Variants in RIT2 observed in about 807,000 individuals in gnomAD.
The protein encoded by RIT2 is Ras like without CAAX 2, also known as GTP-binding protein Rit2.
RIT2 carries 24 observed loss-of-function variants against 23.7 expected under a neutral mutation model. The observed-to-expected ratio is 1.01, with a 90% CI of 0.73 to 1.43. The LOEUF (loss-of-function observed/expected upper bound fraction) is 1.43, where lower values mean the gene tolerates loss of function less well. Among genes scored for constraint, RIT2 ranks in the 40% most tolerant of loss-of-function variants. RIT2 has a pLI of 0.00. For synonymous variants in RIT2, 107 were observed against 91.1 expected (o/e 1.17, Z -0.99); for missense variants, 236 against 266.9 (o/e 0.88, Z 0.81).
At chr18:43,029,391 G>A (rs2144278447) in intron 2 of RIT2, among the ~76,000 whole-genome samples, 1 of 152,046 alleles carries the variant, frequency 6.6e-6, no homozygotes, top group Admixed American at 6.6e-5. Context: ...CCAAATAAAT[G>A]GATGGGCAAA....
At chr18:42,862,451 A>C (rs1243298816) in intron 4 of RIT2, among the ~76,000 whole-genome samples, 1 of 152,246 alleles carries the variant, frequency 6.6e-6, no homozygotes, top group Non-Finnish European at 1.5e-5. Flanking sequence ...AATAAAATGC[A>C]ATAATATCAC....
At chr18:42,799,277 A>C (rs1414926630) in intron 4 of RIT2, among the ~76,000 whole-genome samples, 1 of 152,240 alleles carries the variant, frequency 6.6e-6, no homozygotes, top group Non-Finnish European at 1.5e-5. Flanking sequence ...CAGAATAATA[A>C]GATTAGAAAA....
intron 2 of RIT2, among the ~76,000 whole-genome samples, chr18:42,995,560 C>G (rs1469029950): frequency 6.6e-6 from 1 of 152,122 alleles, no homozygotes; most frequent in Non-Finnish European, 1.5e-5. Context: ...TTTTCAGGCT[C>G]TTGGTATTCA....
At chr18:43,039,387 TG>T (rs1471949139) in intron 1 of RIT2, among the ~76,000 whole-genome samples, 1 of 150,824 alleles carries the variant, frequency 6.6e-6, no homozygotes, top group Non-Finnish European at 1.5e-5. Context: ...TTGCTCCTGT[TG>T]GCCAGGCTGG....
chr18:42,888,035 G>A (rs1908068540), intron 4 of RIT2, among the ~76,000 whole-genome samples: 1 of 152,048 alleles, frequency 6.6e-6, no homozygotes, highest in Non-Finnish European at 1.5e-5. Flanking sequence ...AGTGCACAGA[G>A]GATTTTTAGG....
At chr18:42,870,928 G>A (rs557240762) in intron 4 of RIT2, among the ~76,000 whole-genome samples, 321 of 152,184 alleles carry the variant, frequency 2.1e-3, no homozygotes, top group African/African-American at 7.2e-3. Context: ...ATAAAAGACT[G>A]AATATTTCAC....
chr18:42,942,995 C>G (rs1909640075), intron 3 of RIT2, among the ~76,000 whole-genome samples: 1 of 152,046 alleles, frequency 6.6e-6, no homozygotes, highest in South Asian at 2.1e-4. Context: ...AGCCGCAGAC[C>G]TTCATGGTGA....
At chr18:43,057,971 A>G (rs549996483) in intron 1 of RIT2, among the ~76,000 whole-genome samples, 4 of 152,088 alleles carry the variant, frequency 2.6e-5, no homozygotes, top group Non-Finnish European at 5.9e-5. Context: ...AAGAGGCACC[A>G]TAGAGTGAAC....
intron 4 of RIT2, among the ~76,000 whole-genome samples, chr18:42,793,607 A>AAAAC (rs532669736): frequency 1.1e-4 from 17 of 152,280 alleles, no homozygotes; most frequent in East Asian, 3.9e-4. Flanking sequence ...GTACAGTTAG[A>AAAAC]AAACAAACAA....
intron 1 of RIT2, among the ~76,000 whole-genome samples, chr18:43,052,171 C>T (rs924429392): frequency 1.3e-5 from 2 of 152,100 alleles, no homozygotes; most frequent in African/African-American, 4.8e-5. Flanking sequence ...TTCCTTCTCT[C>T]AATGTCAACC....
chr18:42,759,692 G>A (rs1267959308), intron 4 of RIT2, among the ~76,000 whole-genome samples: 8 of 146,070 alleles, frequency 5.5e-5, no homozygotes, highest in African/African-American at 2.0e-4. Context: ...CTAGAGCTGG[G>A]GCTCTCACTG....
intron 4 of RIT2, among the ~76,000 whole-genome samples, chr18:42,768,032 A>T (rs1263852352): frequency 6.6e-6 from 1 of 152,086 alleles, no homozygotes; most frequent in Non-Finnish European, 1.5e-5. Context: ...AATACAATAC[A>T]TATGTATATA....
intron 4 of RIT2, among the ~76,000 whole-genome samples, chr18:42,905,745 T>C (rs1908595894): frequency 6.6e-6 from 1 of 151,876 alleles, no homozygotes; most frequent in Admixed American, 6.6e-5. Flanking sequence ...AGTGCTGGGA[T>C]TACAGGCGTG....
intron 3 of RIT2, among the ~76,000 whole-genome samples, chr18:42,928,250 A>G (rs74713692): frequency 0.049 from 7,434 of 152,152 alleles, 208 homozygotes; most frequent in Middle Eastern, 0.071. Context: ...TTGGAGAAAC[A>G]CAACCAAGCC....
chr18:42,899,926 T>C (rs1908429896), intron 4 of RIT2, among the ~76,000 whole-genome samples: 1 of 152,130 alleles, frequency 6.6e-6, no homozygotes, highest in African/African-American at 2.4e-5. Flanking sequence ...CTCAACATTG[T>C]ATTACATATA....
rs765419200 is a variant in RIT2 at position 42,923,515 on chromosome 18, T to C, written c.426+57A>G. 702 of 1,410,790 alleles carry C rather than the reference T, an allele frequency of 5.0e-4. 3 individuals are homozygous for C. Among genetic ancestry groups the C allele is most frequent in the Middle Eastern group, 9.7e-4 (5 of 5,158 alleles). The allele number at this position is 1,410,790 out of a possible 1,614,324, so 87.4% of individuals were successfully genotyped here. A position where few individuals can be genotyped will look rare whatever the true frequency, so the allele number is the denominator to read the frequency against. Reference sequence around the variant, plus strand: ...TGAACCTGGGAAAGCAGCCATATTTTGTACTATGCATCCTCAGAGCAAAAG... The same window carrying C: ...TGAACCTGGGAAAGCAGCCATATTTCGTACTATGCATCCTCAGAGCAAAAG... On this transcript the variant is annotated intron_variant, in intron 4 of 4. Transcript: ENST00000326695.
At chr18:42,841,518 T>A (rs995760752) in intron 4 of RIT2, among the ~76,000 whole-genome samples, 2 of 152,180 alleles carry the variant, frequency 1.3e-5, no homozygotes, top group Non-Finnish European at 2.9e-5. Context: ...TGAAAATATA[T>A]CACCCATAAT....
At chr18:42,821,726 A>G (rs1906155965) in intron 4 of RIT2, among the ~76,000 whole-genome samples, 1 of 152,168 alleles carries the variant, frequency 6.6e-6, no homozygotes. Context: ...CAATGCAGGC[A>G]GTCAGGGAAG....
chr18:43,092,241 T>C (rs1035365156), intron 1 of RIT2, among the ~76,000 whole-genome samples: 2 of 152,098 alleles, frequency 1.3e-5, no homozygotes, highest in African/African-American at 2.4e-5. Context: ...TGTAGAGCTC[T>C]GACTCTGTAA....
Sources: allele counts gnomAD v4.1 joint callset (sites outside exome capture counted in the v4.1 genomes callset), GRCh38; gene constraint gnomAD v4.1.1; transcripts MANE v1.5; gene names NCBI Gene and HGNC (gene_info 2026-07-23, HGNC 2026-07-21).